ESYT2: variants seen among roughly 807,000 people sequenced by gnomAD.
The protein encoded by ESYT2 is extended synaptotagmin-2.
A neutral mutation model predicts 107.2 loss-of-function variants in ESYT2; 54 were observed. The observed-to-expected ratio is 0.50, with a 90% CI of 0.40 to 0.63. ESYT2 has a LOEUF of 0.63. Ranked by LOEUF, ESYT2 falls within the 30% of genes least tolerant of loss-of-function variation. The probability of loss-of-function intolerance (pLI) is 0.00; values close to 1 mark genes in which losing one functional copy is unlikely to be tolerated. For synonymous variants in ESYT2, 491 were observed against 434.1 expected, an observed-to-expected ratio of 1.13 and a Z score of -1.63; for missense variants, 1,020 against 1,094.5, an observed-to-expected ratio of 0.93 and a Z score of 0.96.
At chr7:158,829,014 G>C in intron 1 of ESYT2, 75 bp downstream of exon 1, 1 of 1,522,644 alleles carries the variant, frequency 6.6e-7, no homozygotes, top group Admixed American at 2.0e-5. Context: ...GTCGCGGGGA[G>C]GGGAGTGCCT....
intron 19 of ESYT2, 109 bp from the exon 20 acceptor site, chr7:158,737,288 C>G: frequency 7.2e-7 from 1 of 1,380,676 alleles, no homozygotes; most frequent in South Asian, 1.4e-5. Flanking sequence ...ATCTACAAAC[C>G]GAGAAGCAAC....
intron 1 of ESYT2, among the ~76,000 whole-genome samples, chr7:158,815,028 T>C (rs539126823): frequency 7.9e-5 from 12 of 152,344 alleles, no homozygotes; most frequent in African/African-American, 2.9e-4. Context: ...GCAGAGCTTG[T>C]TTCCTTACCT....
chr7:158,794,644 C>T (rs1020708874), intron 3 of ESYT2, among the ~76,000 whole-genome samples: 1 of 152,112 alleles, frequency 6.6e-6, no homozygotes. Context: ...GGCGTGGTGG[C>T]GTGCACCTGT....
chr7:158,762,627 T>C (rs1014256681), intron 10 of ESYT2, among the ~76,000 whole-genome samples: 1 of 152,236 alleles, frequency 6.6e-6, no homozygotes, highest in African/African-American at 2.4e-5. Flanking sequence ...TCAATTGAAG[T>C]GAACAAACCA....
intron 16 of ESYT2, among the ~76,000 whole-genome samples, chr7:158,747,257 G>A (rs1837436372): frequency 6.6e-6 from 1 of 151,752 alleles, no homozygotes; most frequent in Non-Finnish European, 1.5e-5. Context: ...TGAGGCAAGA[G>A]AATCACTTGA....
intron 6 of ESYT2, among the ~76,000 whole-genome samples, chr7:158,782,724 G>A (rs995424593): frequency 2.0e-5 from 3 of 152,224 alleles, no homozygotes; most frequent in African/African-American, 7.2e-5. Context: ...ACAAGTGTGA[G>A]AATGAGTATG....
rs578176511 is a variant in ESYT2, at chr7:158,781,885, G to T, written c.747+6119C>A. 4.9e-3 allele frequency among the ~76,000 whole-genome samples: 739 copies of T among 151,004 alleles called. 17 individuals carry two copies. Among genetic ancestry groups the T allele is most frequent in the African/African-American group, 0.017 (695 of 41,138 alleles). The stretch of plus-strand genomic sequence containing the variant: ...TAAGTGTAAGAACGAGAACAAGTAA[G>T]AACGAGAACAAGTGTGAGTGAACGA... On this transcript the variant is annotated intron_variant, in intron 6 of 22. Coordinates refer to ENST00000275418, the MANE Select transcript of ESYT2 (RefSeq NM_001367773.1).
chr7:158,784,592 C>T (rs919371956), intron 6 of ESYT2, among the ~76,000 whole-genome samples: 4 of 152,222 alleles, frequency 2.6e-5, no homozygotes, highest in East Asian at 3.8e-4. Flanking sequence ...GAGAGAGTCA[C>T]GAAGGCTTTC....
At chr7:158,741,470 GGT>G (rs1491437201) in intron 18 of ESYT2, 51 bp downstream of exon 18, 19 of 1,389,148 alleles carry the variant, frequency 1.4e-5, no homozygotes, top group African/African-American at 2.1e-5. Context: ...CCCAGCGTGG[GGT>G]GGGGGGCGCT....
intron 7 of ESYT2, among the ~76,000 whole-genome samples, chr7:158,770,366 T>C (rs1440753914): frequency 6.6e-6 from 1 of 151,670 alleles, no homozygotes; most frequent in Non-Finnish European, 1.5e-5. Context: ...TGTGCATAAA[T>C]TATATATACC....
chr7:158,777,350 G>T (rs1477061737), intron 6 of ESYT2, among the ~76,000 whole-genome samples: 1 of 152,132 alleles, frequency 6.6e-6, no homozygotes, highest in Non-Finnish European at 1.5e-5. Context: ...AATTAACCTG[G>T]CCATTTGATA....
intron 1 of ESYT2, among the ~76,000 whole-genome samples, chr7:158,806,301 C>T (rs556020315): frequency 6.6e-6 from 1 of 152,360 alleles, no homozygotes; most frequent in East Asian, 1.9e-4. Context: ...AACTTAAAAA[C>T]TAGGTTGATC....
intron 16 of ESYT2, among the ~76,000 whole-genome samples, chr7:158,745,558 T>G (rs564577658): frequency 5.9e-5 from 9 of 152,018 alleles, no homozygotes; most frequent in Non-Finnish European, 1.2e-4. Flanking sequence ...AGCCTACAGG[T>G]GCACGTGGAG....
chr7:158,829,027 C>T (rs1840547435), intron 1 of ESYT2, 62 bp downstream of exon 1: 5 of 1,540,084 alleles, frequency 3.2e-6, no homozygotes, highest in Non-Finnish European at 4.3e-6. Flanking sequence ...GAGTGCCTGC[C>T]TGGACGAGGG....
At chr7:158,800,878 A>G (rs1390928472) in intron 1 of ESYT2, among the ~76,000 whole-genome samples, 3 of 151,586 alleles carry the variant, frequency 2.0e-5, no homozygotes, top group African/African-American at 7.3e-5. Flanking sequence ...ACAGGCGGGT[A>G]CCGCCACACC....
At position 158,764,858 on chromosome 7, in the gene ESYT2, A is replaced by G. The variant is rs1390808488; in HGVS notation, c.925-5T>C. The G allele has an allele frequency of 6.2e-7, 1 of 1,612,736 alleles. No homozygotes were observed. The highest frequency in any genetic ancestry group is 8.5e-7 in the Non-Finnish European group (1 of 1,179,436). On this transcript the variant is annotated splice_polypyrimidine_tract_variant and splice_region_variant and intron_variant, in intron 8 of 22. Transcript: ENST00000275418. ...AAAATGTATCCTTAGAACACCCTGA[A>G]AAGAAGAACAAACTGAAGTTTAGAC... is the stretch of plus-strand genomic sequence containing the variant.
At chr7:158,759,098 C>G (rs1487238155) in intron 13 of ESYT2, among the ~76,000 whole-genome samples, 1 of 152,142 alleles carries the variant, frequency 6.6e-6, no homozygotes, top group Non-Finnish European at 1.5e-5. Flanking sequence ...CACGCACGGC[C>G]CTGCGACAGC....
At chr7:158,793,244 G>GGT (rs1165716935) in intron 4 of ESYT2, among the ~76,000 whole-genome samples, 3 of 152,034 alleles carry the variant, frequency 2.0e-5, no homozygotes, top group Non-Finnish European at 4.4e-5. Context: ...CTTTTAATGT[G>GGT]GTGTGTTACA....
intron 20 of ESYT2, among the ~76,000 whole-genome samples, chr7:158,736,106 T>C (rs35073742): frequency 0.24 from 36,079 of 152,106 alleles, 5,150 homozygotes; most frequent in East Asian, 0.59. Flanking sequence ...TGCACTAAAG[T>C]GCCTGCAGGG....
Sources: gnomAD v4.1 joint callset for allele counts (sites outside exome capture counted in the v4.1 genomes callset) on GRCh38, gnomAD v4.1.1 for gene constraint, MANE v1.5 for transcripts, NCBI Gene and HGNC (gene_info 2026-07-23, HGNC 2026-07-21) for gene names.